RAVER2: variants seen among roughly 807,000 people sequenced by gnomAD.
RAVER2 encodes ribonucleoprotein, PTB binding 2, also known as ribonucleoprotein PTB-binding 2.
Under a neutral mutation model 78.1 loss-of-function variants are expected in RAVER2, and 46 were observed. The observed-to-expected ratio is 0.59, with a 90% CI of 0.46 to 0.75. The LOEUF (loss-of-function observed/expected upper bound fraction) is 0.75. Ranked by LOEUF, RAVER2 falls within the 30% of genes least tolerant of loss-of-function variation. The pLI, the probability that RAVER2 is intolerant of heterozygous loss-of-function variation, is 0.00. For synonymous variants in RAVER2, 311 were observed against 313.3 expected (o/e 0.99, Z 0.08); for missense variants, 793 against 837.5 (o/e 0.95, Z 0.66).
At chr1:64,799,117 C>G (rs546781606) in intron 5 of RAVER2, among the ~76,000 whole-genome samples, 31 of 152,312 alleles carry the variant, frequency 2.0e-4, no homozygotes, top group African/African-American at 6.5e-4. Flanking sequence ...CTCTAATAAC[C>G]ATGATTGTAC....
At chr1:64,818,895 A>AG (rs1405269616) in intron 11 of RAVER2, among the ~76,000 whole-genome samples, 1 of 152,196 alleles carries the variant, frequency 6.6e-6, no homozygotes, top group African/African-American at 2.4e-5. Flanking sequence ...TGTTTGTCTG[A>AG]GGAAAACTCC....
In RAVER2 at chr1:64,782,869, A is replaced by G. The variant is rs143086145; in HGVS notation, c.978+1298A>G. Among the ~76,000 whole-genome samples, 35 of 152,252 alleles carry G rather than the reference A, an allele frequency of 2.3e-4. No individual in the cohort carries two copies. In the East Asian group the frequency reaches 6.6e-3, roughly 29 times the overall value. ...TACACTGGGCATTTCTCCCAATGCT[A>G]TCAATCCCCCAGCCCCCTACCCCGC... On this transcript the variant is annotated intron_variant, in intron 4 of 11. Transcript: ENST00000294428.
intron 1 of RAVER2, among the ~76,000 whole-genome samples, chr1:64,750,099 T>A (rs971878146): frequency 1.3e-5 from 2 of 152,130 alleles, no homozygotes; most frequent in Non-Finnish European, 2.9e-5. Flanking sequence ...TATTGTCACT[T>A]TGGATATTAT....
intron 2 of RAVER2, among the ~76,000 whole-genome samples, chr1:64,775,532 G>A (rs1408384448): frequency 6.6e-6 from 1 of 152,128 alleles, no homozygotes; most frequent in East Asian, 1.9e-4. Context: ...TGTAGAGTGC[G>A]AAAAAAGATA....
chr1:64,816,658 T>G (rs1439548066), intron 11 of RAVER2: 1 of 152,220 alleles, frequency 6.6e-6, no homozygotes, highest in Non-Finnish European at 1.5e-5. Context: ...AAGTGATTAC[T>G]ATTTCTAAAA....
At chr1:64,768,926 C>CT (rs1652245472) in intron 2 of RAVER2, among the ~76,000 whole-genome samples, 1 of 151,850 alleles carries the variant, frequency 6.6e-6, no homozygotes, top group Admixed American at 6.6e-5. Context: ...TATAGTGTTA[C>CT]TAGAGACTTA....
chr1:64,761,408 G>A (rs1385480750), intron 1 of RAVER2, among the ~76,000 whole-genome samples: 1 of 152,202 alleles, frequency 6.6e-6, no homozygotes, highest in East Asian at 1.9e-4. Flanking sequence ...TAGGCTTGGA[G>A]CTTGGGAGAG....
intron 11 of RAVER2, among the ~76,000 whole-genome samples, chr1:64,826,287 G>C (rs927662063): frequency 5.9e-5 from 9 of 152,210 alleles, no homozygotes; most frequent in Non-Finnish European, 1.0e-4. Flanking sequence ...GATCGCTGCA[G>C]AGAAAATAAG....
At chr1:64,760,010 G>A (rs1014191687) in intron 1 of RAVER2, among the ~76,000 whole-genome samples, 1 of 151,880 alleles carries the variant, frequency 6.6e-6, no homozygotes, top group African/African-American at 2.4e-5. Flanking sequence ...TTATGCATGA[G>A]GCAGATATGT....
chr1:64,768,712 T>A, exon 2 of RAVER2: 2 of 1,537,782 alleles, frequency 1.3e-6, no homozygotes, highest in Non-Finnish European at 1.8e-6. Flanking sequence ...TGGACAGAAA[T>A]AAACGAACAG....
Position 64,807,511 on chromosome 1 carries a change from C to CACAG in RAVER2, c.1680+38_1680+39insCAGA, listed in dbSNP as rs759340937. 129 of 1,583,804 alleles carry CACAG rather than the reference C, an allele frequency of 8.1e-5. 2 individuals are homozygous for CACAG. The East Asian group carries it at 2.8e-3, about 34-fold the overall frequency. Reference sequence around the variant, plus strand: ...GTGGGTGCACACAGATGTATATATACATGTATATGTATATATATTCCTTTT... The same window carrying CACAG: ...GTGGGTGCACACAGATGTATATATACACAGATGTATATGTATATATATTCCTTTT... On this transcript the variant is annotated intron_variant, in intron 9 of 11. Coordinates refer to ENST00000294428, the Ensembl canonical transcript of RAVER2.
rs543057684 is a variant in RAVER2 at position 64,832,608 on chromosome 1, T to TGAA, written c.*1625_*1627dup. On this transcript the variant is annotated 3_prime_UTR_variant, in exon 12 of 12. Transcript: ENST00000294428. ...TGATGTGGATATCCTGTTTTAATTA[T>TGAA]GAAGTCTAGAATTGGTACATATGTT... 6.3e-4 allele frequency: 96 copies of TGAA among 152,324 alleles called. 1 individual carries two copies. In the East Asian group the frequency reaches 0.015, roughly 24 times the overall value. The allele number at this position is 152,324 out of a possible 1,614,324, so 9.4% of individuals were successfully genotyped here.
exon 9 of RAVER2, chr1:64,807,472 G>A: frequency 6.2e-7 from 1 of 1,612,652 alleles, no homozygotes; most frequent in South Asian, 1.1e-5. Flanking sequence ...GATAAGTTCA[G>A]GGGTAAGAAA....
At chr1:64,799,154 T>A (rs1161694445) in intron 5 of RAVER2, among the ~76,000 whole-genome samples, 1 of 152,232 alleles carries the variant, frequency 6.6e-6, no homozygotes, top group Non-Finnish European at 1.5e-5. Context: ...CTCAACTTTT[T>A]TAGCTCCTGT....
At chr1:64,822,731 A>G (rs1653917735) in intron 11 of RAVER2, among the ~76,000 whole-genome samples, 1 of 152,246 alleles carries the variant, frequency 6.6e-6, no homozygotes, top group Non-Finnish European at 1.5e-5. Flanking sequence ...ACAAATGTGT[A>G]CATGCATTGG....
At chr1:64,770,137 C>G (rs1203449765) in intron 2 of RAVER2, among the ~76,000 whole-genome samples, 1 of 151,968 alleles carries the variant, frequency 6.6e-6, no homozygotes, top group Admixed American at 6.6e-5. Context: ...CAATGAATAG[C>G]CTTTTAGTTG....
intron 11 of RAVER2, among the ~76,000 whole-genome samples, chr1:64,817,170 C>T (rs367573882): frequency 1.3e-5 from 2 of 152,138 alleles, no homozygotes; most frequent in Non-Finnish European, 2.9e-5. Context: ...TCATCACTGG[C>T]CATCAGAGAA....
chr1:64,789,990 A>G (rs977670524), intron 5 of RAVER2, among the ~76,000 whole-genome samples: 39 of 152,192 alleles, frequency 2.6e-4, no homozygotes, highest in Non-Finnish European at 8.8e-5. Context: ...ATTATTTTCT[A>G]AGTGTTATGC....
At position 64,826,154 on chromosome 1, in the gene RAVER2, A is replaced by C. The variant is rs1282013169; in HGVS notation, c.1930-4685A>C. ...TCATTTACTCATTCAACCAGTATAT[A>C]CTGAATGTCTACTATATGACAGGAC... On this transcript the variant is annotated intron_variant, in intron 11 of 11. Coordinates refer to ENST00000294428, the Ensembl canonical transcript of RAVER2. 2.6e-5 allele frequency among the ~76,000 whole-genome samples: 4 copies of C among 152,368 alleles called. No homozygotes were observed. The East Asian group carries it at 7.7e-4, about 29-fold the overall frequency.
Sources: allele counts gnomAD v4.1 joint callset (sites outside exome capture counted in the v4.1 genomes callset), GRCh38; gene constraint gnomAD v4.1.1; transcripts MANE v1.5; gene names NCBI Gene and HGNC (gene_info 2026-07-23, HGNC 2026-07-21).